The following ZAN variants were observed in gnomAD, a reference collection of about 807,000 sequenced individuals.
ZAN encodes the protein zonadhesin, also known as zonadhesin (gene/pseudogene).
In ZAN, 260 loss-of-function variants were observed where a neutral mutation model predicts 286.2. That is an observed-to-expected ratio of 0.91 (90% CI 0.82 to 1.01). ZAN has a LOEUF of 1.01. Ranked by LOEUF, ZAN falls within the 50% of genes least tolerant of loss-of-function variation. The pLI is 0.00. For missense variants in ZAN, 3,410 were observed against 3,639.2 expected (o/e 0.94, Z 1.62); for synonymous variants, 1,368 against 1,417.5 (o/e 0.97, Z 0.79).
Position 100,771,840 on chromosome 7 carries a change from G to A in ZAN, c.5249-4G>A. 1 of 1,609,114 alleles carries A rather than the reference G, an allele frequency of 6.2e-7. No homozygotes were observed. Among genetic ancestry groups the A allele is most frequent in the Non-Finnish European group, 8.5e-7 (1 of 1,177,030 alleles). On this transcript the variant is annotated splice_polypyrimidine_tract_variant and splice_region_variant and intron_variant, in intron 28 of 47. Transcript: ENST00000613979. ...TGGCTCATCTGCCTTCTCTCTTCCT[G>A]CAGGACCCTTCTCTCAATGTCACCA...
intron 45 of ZAN, among the ~76,000 whole-genome samples, chr7:100,796,229 C>A (rs961722772): frequency 3.3e-5 from 5 of 152,212 alleles, no homozygotes; most frequent in African/African-American, 1.2e-4. Context: ...CTCCTGTGTC[C>A]TTCTGTGCCT....
chr7:100,763,566 A>G lies in ZAN; in HGVS notation c.3987-240A>G, dbSNP rs1024738687. On this transcript the variant is annotated intron_variant, in intron 20 of 47. Coordinates refer to ENST00000613979, the MANE Select transcript of ZAN (RefSeq NM_003386.3). The surrounding 1 kb of genome is among the most constrained non-coding windows in gnomAD (Gnocchi z 4.6). ...AATAATTTCATATTTATTTTTAAAG[A>G]GATGGGATCTCAGTGTGTTACCCAG... Among the ~76,000 whole-genome samples, 3 of 152,146 alleles carry G rather than the reference A, an allele frequency of 2.0e-5. No individual in the cohort carries two copies. Among genetic ancestry groups the G allele is most frequent in the Non-Finnish European group, 4.4e-5 (3 of 68,038 alleles).
intron 15 of ZAN, among the ~76,000 whole-genome samples, chr7:100,757,530 G>A (rs1053649989): frequency 1.3e-5 from 2 of 151,876 alleles, no homozygotes; most frequent in Non-Finnish European, 2.9e-5. Flanking sequence ...CAAGGCGGGC[G>A]GATCACCTGA....
intron 19 of ZAN, 72 bp downstream of exon 19, chr7:100,760,608 T>G: frequency 1.3e-6 from 2 of 1,553,932 alleles, no homozygotes; most frequent in Non-Finnish European, 1.7e-6. Context: ...TTCTTCCTGC[T>G]GCCCACCCTG....
At chr7:100,744,419 C>T (rs1351830372) in intron 7 of ZAN, among the ~76,000 whole-genome samples, 2 of 150,260 alleles carry the variant, frequency 1.3e-5, no homozygotes, top group South Asian at 2.1e-4. Context: ...GCCAACATAG[C>T]GAAACCCGTC....
Position 100,765,370 on chromosome 7 carries a change from A to G in ZAN, c.4286A>G (p.Asn1429Ser). The G allele has an allele frequency of 1.2e-6, 2 of 1,613,868 alleles. No homozygotes were observed. Among genetic ancestry groups the G allele is most frequent in the Non-Finnish European group, 1.7e-6 (2 of 1,179,844 alleles). Residue 1429 changes from asparagine (N) to serine (S), a missense_variant, in exon 23 of 48, where the codon AAC (asparagine) becomes AGC (serine). By Grantham distance (46) the Asn-to-Ser change is conservative. Transcript: ENST00000613979. ...PHFCPMACPPNSKYSLCAKPC... is the reference protein window; with the variant it reads ...PHFCPMACPPSSKYSLCAKPC... ...CCACCAGCAATGGCCTGCCCGCCCAACAGCAAGTACTCCCTGTGTGCGAAG... is the reference window on the plus strand; with the variant it reads ...CCACCAGCAATGGCCTGCCCGCCCAGCAGCAAGTACTCCCTGTGTGCGAAG...
intron 17 of ZAN, among the ~76,000 whole-genome samples, chr7:100,759,519 G>C (rs1475185509): frequency 6.6e-6 from 1 of 152,214 alleles, no homozygotes; most frequent in East Asian, 1.9e-4. Context: ...ACTGAGTGGA[G>C]ACAGACACGC....
rs1264140645 is a variant in ZAN, at chr7:100,736,850, G to A, written c.295G>A (p.Gly99Arg). Residue 99 changes from glycine to arginine, a missense_variant, in exon 5 of 48, where the codon GGG becomes AGG. Gly to Arg is a moderately radical substitution (Grantham distance 125). Transcript: ENST00000613979. Reference protein sequence around the residue: ...LHMESNSFHRGGVARLLSPDL... With the variant: ...LHMESNSFHRRGVARLLSPDL... ...TATGGAATCGAACAGCTTCCACCGT[G>A]GGGGAGTGGCCCGCCTGCTCAGCCC... 3 of 1,483,386 alleles carry A rather than the reference G, an allele frequency of 2.0e-6. 1 individual carries two copies. The allele number at this position is 1,483,386 out of a possible 1,614,324, so 91.9% of individuals were successfully genotyped here. A position where few individuals can be genotyped will look rare whatever the true frequency, so the allele number is the denominator to read the frequency against.
rs1811442036 is a variant in ZAN at position 100,784,673 on chromosome 7, T to G, written c.6673T>G (p.Ser2225Ala). The G allele has an allele frequency of 6.2e-7, 1 of 1,613,880 alleles. No homozygotes were observed. The highest frequency in any genetic ancestry group is 8.5e-7 in the Non-Finnish European group (1 of 1,179,872). ...SSYTNCLPSCSPSCWDLDGRC... is the reference protein window; with the variant it reads ...SSYTNCLPSCAPSCWDLDGRC... Reference sequence around the variant, plus strand: ...CTACACCAACTGCCTTCCCTCCTGCTCACCCTCCTGCTGGGACCTGGATGG... The same window carrying G: ...CTACACCAACTGCCTTCCCTCCTGCGCACCCTCCTGCTGGGACCTGGATGG... The change falls in exon 36 of 48, where the codon TCA becomes GCA. Residue 2225 changes from serine (S) to alanine (A), a missense_variant. Physicochemically the swap from Ser to Ala is moderately conservative, Grantham distance 99. Transcript: ENST00000613979.
At chr7:100,751,392 T>A in intron 13 of ZAN, 126 bp downstream of exon 13, 1 of 689,228 alleles carries the variant, frequency 1.5e-6, no homozygotes, top group Non-Finnish European at 2.3e-6. Flanking sequence ...GGCTTTGTTT[T>A]CCATCTTCAA....
intron 28 of ZAN, among the ~76,000 whole-genome samples, chr7:100,770,550 T>C (rs1810306755): frequency 6.7e-6 from 1 of 150,138 alleles, no homozygotes; most frequent in Non-Finnish European, 1.5e-5. Context: ...AGTCTCACTA[T>C]GTAGCCCAGG....
rs748423258 is a variant in ZAN at position 100,766,552 on chromosome 7, T to C, written c.4498T>C (p.Cys1500Arg). 1.3e-6 allele frequency: 2 copies of C among 1,551,792 alleles called. No homozygotes were observed. The highest frequency in any genetic ancestry group is 1.2e-5 in the South Asian group (1 of 84,056). The part of the protein sequence containing the change: ...KVGERWYKPG[C>R]KELCVCESNN... ...AGGGGAGCGGTGGTACAAGCCAGGCTGCAAAGAGTTGTGCGTCTGTGAAAG... is the reference window on the plus strand; with the variant it reads ...AGGGGAGCGGTGGTACAAGCCAGGCCGCAAAGAGTTGTGCGTCTGTGAAAG... The change falls in exon 24 of 48, where the codon TGC (cysteine) becomes CGC (arginine). Residue 1500 changes from cysteine (C) to arginine (R), a missense_variant. This residue lies in a region of ZAN where 1,042 missense variants were observed against 1,058.0 expected (regional missense o/e 0.98). Coordinates refer to ENST00000613979, the MANE Select transcript of ZAN (RefSeq NM_003386.3).
intron 14 of ZAN, among the ~76,000 whole-genome samples, chr7:100,753,668 T>TAA (rs367810068): frequency 1.3e-3 from 177 of 140,870 alleles, no homozygotes; most frequent in East Asian, 3.1e-3. Context: ...ACTTTAAAAT[T>TAA]AAAAAAAAAA....
intron 7 of ZAN, among the ~76,000 whole-genome samples, chr7:100,743,812 G>A (rs1210327187): frequency 6.6e-6 from 1 of 151,534 alleles, no homozygotes; most frequent in African/African-American, 2.4e-5. Context: ...GGGAGGTGGA[G>A]GTGGCAGTGA....
intron 35 of ZAN, among the ~76,000 whole-genome samples, chr7:100,780,617 C>T (rs944604049): frequency 6.6e-6 from 1 of 150,744 alleles, no homozygotes; most frequent in African/African-American, 2.4e-5. Context: ...ACTGTGATTG[C>T]ATCCCTGCAC....
At chr7:100,754,384 G>A (rs1808999849) in intron 14 of ZAN, among the ~76,000 whole-genome samples, 2 of 151,890 alleles carry the variant, frequency 1.3e-5, no homozygotes, top group South Asian at 4.2e-4. Context: ...GCGTGAACCC[G>A]GGAGGCAGAG....
intron 7 of ZAN, among the ~76,000 whole-genome samples, chr7:100,738,864 C>T (rs1465489): frequency 0.016 from 1,284 of 79,324 alleles, 183 homozygotes; most frequent in Non-Finnish European, 0.029. Flanking sequence ...CTTTCTCTTC[C>T]TCTTCTTCTT....
chr7:100,749,146 C>T (rs1461864662), intron 11 of ZAN, among the ~76,000 whole-genome samples: 2 of 151,420 alleles, frequency 1.3e-5, no homozygotes, highest in South Asian at 2.1e-4. Flanking sequence ...TCGAGACCAG[C>T]TGGGCAACAT....
Position 100,755,385 on chromosome 7 carries a change from G to A in ZAN, c.3284G>A (p.Cys1095Tyr). The A allele has an allele frequency of 1.9e-6, 3 of 1,613,144 alleles. No homozygotes were observed. The highest frequency in any genetic ancestry group is 1.7e-6 in the Non-Finnish European group (2 of 1,179,588). ...NHCIQASSCN[C>Y]FYNNDYYEPG... ...TGCATCCAGGCCTCTTCCTGCAATT[G>A]CTTCTACAACAACGACTACTATGAG... is the stretch of plus-strand genomic sequence containing the variant. Residue 1095 changes from cysteine (C) to tyrosine (Y), a missense_variant, in exon 15 of 48, where the codon TGC becomes TAC. Physicochemically the swap from Cys to Tyr is radical, Grantham distance 194. Coordinates refer to ENST00000613979, the MANE Select transcript of ZAN (RefSeq NM_003386.3).
Sources: allele counts gnomAD v4.1 joint callset (sites outside exome capture counted in the v4.1 genomes callset), GRCh38; gene constraint gnomAD v4.1.1; regional missense constraint gnomAD v4.1.1; non-coding constraint Gnocchi (gnomAD v3.1); transcripts MANE v1.5; gene names NCBI Gene and HGNC (gene_info 2026-07-23, HGNC 2026-07-21).